The following ENPP6 variants were observed in gnomAD, a reference collection of about 807,000 sequenced individuals.
The protein encoded by ENPP6 is glycerophosphocholine cholinephosphodiesterase ENPP6.
Under a neutral mutation model 42.0 loss-of-function variants are expected in ENPP6, and 32 were observed. The observed-to-expected ratio is 0.76, with a 90% confidence interval of 0.58 to 1.02. ENPP6 has a LOEUF of 1.02. Ranked by LOEUF, ENPP6 falls within the 50% of genes least tolerant of loss-of-function variation. ENPP6 has a pLI of 0.00. For synonymous variants in ENPP6, 213 were observed against 216.0 expected, an observed-to-expected ratio of 0.99 and a Z score of 0.12; for missense variants, 552 against 566.8, an observed-to-expected ratio of 0.97 and a Z score of 0.27.
At chr4:184,192,376 T>C (rs746871069) in intron 1 of ENPP6, among the ~76,000 whole-genome samples, 1 of 152,188 alleles carries the variant, frequency 6.6e-6, no homozygotes, top group Non-Finnish European at 1.5e-5. Flanking sequence ...AAATAGTCAA[T>C]GGAAAAGGAA....
intron 5 of ENPP6, among the ~76,000 whole-genome samples, chr4:184,114,383 A>G (rs1736279582): frequency 6.6e-6 from 1 of 152,236 alleles, no homozygotes; most frequent in Non-Finnish European, 1.5e-5. Context: ...GGCATCACTG[A>G]ATATAAGATT....
In ENPP6 at chr4:184,090,048, C is replaced by G. The variant is rs887696444; in HGVS notation, c.*1129G>C. The stretch of plus-strand genomic sequence containing the variant: ...AGTTAGTTGGTCAGTGACTGGGACT[C>G]TGCTCCATCATGCTCTCTCCATTCT... On this transcript the variant is annotated 3_prime_UTR_variant, in exon 8 of 8. Coordinates refer to ENST00000296741, the MANE Select transcript of ENPP6 (RefSeq NM_153343.4). 4 of 152,176 alleles carry G rather than the reference C, an allele frequency of 2.6e-5. No individual in the cohort carries two copies. The highest frequency in any genetic ancestry group is 5.9e-5 in the Non-Finnish European group (4 of 68,052). 9.4% of individuals were successfully genotyped at this position (152,176 alleles called of 1,614,324 possible).
intron 7 of ENPP6, among the ~76,000 whole-genome samples, chr4:184,092,511 G>A (rs548503980): frequency 6.6e-6 from 1 of 152,214 alleles, no homozygotes; most frequent in Non-Finnish European, 1.5e-5. Flanking sequence ...GAGGGACGCC[G>A]AGGGTGACTC....
At chr4:184,200,727 GC>G (rs1732881484) in intron 1 of ENPP6, among the ~76,000 whole-genome samples, 1 of 152,138 alleles carries the variant, frequency 6.6e-6, no homozygotes, top group Non-Finnish European at 1.5e-5. Context: ...CAGATAATCG[GC>G]TGGGCAACCC....
chr4:184,127,574 A>G (rs1175131332), intron 2 of ENPP6, among the ~76,000 whole-genome samples: 1 of 152,212 alleles, frequency 6.6e-6, no homozygotes, highest in African/African-American at 2.4e-5. Flanking sequence ...CCTGGCTAAC[A>G]AGGTGAAACC....
chr4:184,107,529 C>A (rs192176724), intron 6 of ENPP6, among the ~76,000 whole-genome samples: 1 of 152,312 alleles, frequency 6.6e-6, no homozygotes, highest in Non-Finnish European at 1.5e-5. Context: ...GTAATCCCAG[C>A]ACTTTGGGAG....
At chr4:184,158,794 T>C (rs28399280) in intron 1 of ENPP6, among the ~76,000 whole-genome samples, 10,468 of 152,268 alleles carry the variant, frequency 0.069, 400 homozygotes, top group Non-Finnish European at 0.074. Flanking sequence ...CTGGTGTCAC[T>C]TCCTCTGGGA....
intron 7 of ENPP6, 75 bp downstream of exon 7, chr4:184,097,170 T>C (rs755688157): frequency 3.1e-5 from 50 of 1,591,786 alleles, no homozygotes; most frequent in Non-Finnish European, 3.9e-5. Context: ...CAGCCTCTCC[T>C]GGCACCCGTA....
intron 5 of ENPP6, among the ~76,000 whole-genome samples, chr4:184,116,444 A>G (rs553442199): frequency 6.6e-6 from 1 of 152,194 alleles, no homozygotes; most frequent in Admixed American, 6.5e-5. Context: ...TATTAAAACT[A>G]CAAGGAAAGG....
chr4:184,192,264 A>G (rs1732721781), intron 1 of ENPP6, among the ~76,000 whole-genome samples: 1 of 152,264 alleles, frequency 6.6e-6, no homozygotes, highest in Non-Finnish European at 1.5e-5. Context: ...TGATCTCACC[A>G]TAAGGATACA....
chr4:184,171,865 C>T (rs1737471743), intron 1 of ENPP6, among the ~76,000 whole-genome samples: 1 of 152,094 alleles, frequency 6.6e-6, no homozygotes, highest in South Asian at 2.1e-4. Flanking sequence ...GGACAGAATC[C>T]CTGTCCTCAG....
chr4:184,138,199 T>A (rs531936397), intron 2 of ENPP6, among the ~76,000 whole-genome samples: 2 of 152,334 alleles, frequency 1.3e-5, no homozygotes, highest in South Asian at 4.1e-4. Context: ...AAGTTTAGAA[T>A]CAATGCTATT....
intron 6 of ENPP6, among the ~76,000 whole-genome samples, chr4:184,100,720 C>A (rs571681226): frequency 1.3e-3 from 203 of 152,244 alleles, no homozygotes; most frequent in Middle Eastern, 6.8e-3. Context: ...TCCATGCAGG[C>A]AGAGAAGGAG....
At chr4:184,155,134 C>T (rs1737137371) in intron 1 of ENPP6, among the ~76,000 whole-genome samples, 1 of 152,122 alleles carries the variant, frequency 6.6e-6, no homozygotes, top group South Asian at 2.1e-4. Flanking sequence ...CCCTCGCTCA[C>T]CCTGTTGCAG....
At chr4:184,147,099 G>C (rs1304187920) in intron 2 of ENPP6, among the ~76,000 whole-genome samples, 1 of 152,138 alleles carries the variant, frequency 6.6e-6, no homozygotes, top group African/African-American at 2.4e-5. Flanking sequence ...TCTGCCTTCA[G>C]ACTGCTTCTC....
At chr4:184,131,252 C>T (rs1317109285) in intron 2 of ENPP6, among the ~76,000 whole-genome samples, 4,926 of 81,022 alleles carry the variant, frequency 0.061, 488 homozygotes, top group East Asian at 0.075. Context: ...TTCTTTCTTT[C>T]TCTTTCTCTT....
At chr4:184,126,715 A>T (rs1736508632) in intron 2 of ENPP6, among the ~76,000 whole-genome samples, 1 of 152,226 alleles carries the variant, frequency 6.6e-6, no homozygotes, top group South Asian at 2.1e-4. Context: ...GCACTGGACA[A>T]ATTGCAAGAC....
chr4:184,130,929 C>T (rs1404563931), intron 2 of ENPP6, among the ~76,000 whole-genome samples: 4 of 152,178 alleles, frequency 2.6e-5, no homozygotes, highest in African/African-American at 9.7e-5. Flanking sequence ...AGTTGTTGAA[C>T]ATTTGGGTCA....
At chr4:184,091,749 A>T (rs954887961) in intron 7 of ENPP6, among the ~76,000 whole-genome samples, 3 of 152,090 alleles carry the variant, frequency 2.0e-5, no homozygotes, top group Non-Finnish European at 4.4e-5. Context: ...TCTAAAAAAA[A>T]TTTTTTAAAC....
Sources: allele counts gnomAD v4.1 joint callset (sites outside exome capture counted in the v4.1 genomes callset), GRCh38; gene constraint gnomAD v4.1.1; transcripts MANE v1.5; gene names NCBI Gene and HGNC (gene_info 2026-07-23, HGNC 2026-07-21).